Variants in GNG7 observed in about 807,000 individuals in gnomAD.
GNG7 encodes the protein G protein subunit gamma 7.
Under a neutral mutation model 4.0 loss-of-function variants are expected in GNG7, and 1 was observed. That is an observed-to-expected ratio of 0.25 (90% CI 0.09 to 1.18). GNG7 has a LOEUF of 1.18. Among genes scored for constraint, GNG7 ranks in the 50% most tolerant of loss-of-function variants. The probability of loss-of-function intolerance (pLI) is 0.50; values close to 1 mark genes in which losing one functional copy is unlikely to be tolerated. For synonymous variants in GNG7, 34 were observed against 36.9 expected (o/e 0.92, Z 0.29); for missense variants, 86 against 91.9 (o/e 0.94, Z 0.26).
At chr19:2,579,862 C>A (rs928318979) in intron 2 of GNG7, among the ~76,000 whole-genome samples, 1 of 152,164 alleles carries the variant, frequency 6.6e-6, no homozygotes, top group Non-Finnish European at 1.5e-5. Flanking sequence ...GACATGGATC[C>A]TCTCCCAGTT....
intron 1 of GNG7, among the ~76,000 whole-genome samples, chr19:2,672,188 C>A (rs62119827): frequency 0.29 from 43,899 of 150,762 alleles, 6,558 homozygotes; most frequent in East Asian, 0.54. Context: ...CAGGCACCTG[C>A]CACCATACCC....
intron 3 of GNG7, among the ~76,000 whole-genome samples, chr19:2,544,921 G>C (rs1383117637): frequency 1.3e-5 from 2 of 152,120 alleles, no homozygotes; most frequent in African/African-American, 4.8e-5. Flanking sequence ...AATTATTTGG[G>C]GAAAATGGGG....
chr19:2,593,297 T>C (rs1359047652), intron 2 of GNG7, among the ~76,000 whole-genome samples: 1 of 152,120 alleles, frequency 6.6e-6, no homozygotes, highest in African/African-American at 2.4e-5. Flanking sequence ...AGTGGAAAAT[T>C]CCTTTTTTAA....
At chr19:2,555,945 G>A (rs1979529811) in intron 2 of GNG7, among the ~76,000 whole-genome samples, 1 of 152,002 alleles carries the variant, frequency 6.6e-6, no homozygotes, top group Non-Finnish European at 1.5e-5. Flanking sequence ...CACAGTGCAC[G>A]GATCGCGAGG....
intron 1 of GNG7, among the ~76,000 whole-genome samples, chr19:2,698,570 G>GA (rs372892725): frequency 0.022 from 3,071 of 139,088 alleles, 38 homozygotes; most frequent in Non-Finnish European, 0.032. Flanking sequence ...TTTCAAAAAA[G>GA]AAAAAAAAAA....
At chr19:2,647,064 G>C (rs559074337) in intron 1 of GNG7, among the ~76,000 whole-genome samples, 6 of 152,222 alleles carry the variant, frequency 3.9e-5, no homozygotes, top group Non-Finnish European at 8.8e-5. Context: ...CCACATGCCT[G>C]AGGCTGCGAC....
Position 2,635,635 on chromosome 19 carries a change from T to C in GNG7, c.-78+10589A>G, listed in dbSNP as rs1336163095. On this transcript the variant is annotated intron_variant, in intron 2 of 4. Transcript: ENST00000382159. ...TCTCGCTGTATTGCCCAGGCTGTAG[T>C]GCAATGGTGCAATCTCGGCTCACTG... 2.0e-5 allele frequency among the ~76,000 whole-genome samples: 3 copies of C among 150,376 alleles called. No homozygotes were observed. In the East Asian group the frequency reaches 5.9e-4, roughly 30 times the overall value.
chr19:2,655,264 A>C (rs1982937059), intron 1 of GNG7, among the ~76,000 whole-genome samples: 1 of 152,008 alleles, frequency 6.6e-6, no homozygotes, highest in Admixed American at 6.6e-5. Flanking sequence ...GGGTTAAATA[A>C]TCTGACTAGA....
chr19:2,643,571 G>C (rs1456230399), intron 2 of GNG7: 1 of 429,532 alleles, frequency 2.3e-6, no homozygotes, highest in Non-Finnish European at 4.6e-6. Flanking sequence ...AGACCTCTCC[G>C]GACTCTGCAC....
intron 2 of GNG7, among the ~76,000 whole-genome samples, chr19:2,556,369 G>C (rs1179483235): frequency 6.6e-6 from 1 of 152,208 alleles, no homozygotes; most frequent in East Asian, 1.9e-4. Flanking sequence ...TTCCTGAGCT[G>C]CTCGAGGCCG....
At chr19:2,613,053 G>A (rs113921218) in intron 2 of GNG7, among the ~76,000 whole-genome samples, 6,802 of 152,208 alleles carry the variant, frequency 0.045, 185 homozygotes, top group Middle Eastern at 0.095. Context: ...CCCAGGCCCT[G>A]AGTGTCCCAA....
chr19:2,570,195 G>A (rs904081158), intron 2 of GNG7, among the ~76,000 whole-genome samples: 1 of 152,218 alleles, frequency 6.6e-6, no homozygotes, highest in Admixed American at 6.6e-5. Context: ...CGTATGAGAT[G>A]CCCGTTCCCC....
At chr19:2,670,571 A>C (rs1599453592) in intron 1 of GNG7, among the ~76,000 whole-genome samples, 1 of 152,296 alleles carries the variant, frequency 6.6e-6, no homozygotes, top group African/African-American at 2.4e-5. Flanking sequence ...TGGCTGTGTG[A>C]CGGGTGTGGA....
At chr19:2,603,938 C>A (rs1480599631) in intron 2 of GNG7, among the ~76,000 whole-genome samples, 1 of 151,982 alleles carries the variant, frequency 6.6e-6, no homozygotes, top group African/African-American at 2.4e-5. Context: ...GCAAGCTCTG[C>A]CTCCTGGGTT....
chr19:2,551,472 A>G (rs7260635), intron 3 of GNG7, among the ~76,000 whole-genome samples: 66,320 of 150,846 alleles, frequency 0.44, 15,898 homozygotes, highest in East Asian at 0.75. Flanking sequence ...GGAACGCCAA[A>G]AAGCCCTGCC....
At chr19:2,551,029 CCT>C (rs1979301136) in intron 3 of GNG7, among the ~76,000 whole-genome samples, 1 of 152,212 alleles carries the variant, frequency 6.6e-6, no homozygotes, top group Non-Finnish European at 1.5e-5. Flanking sequence ...AGCATAGGGA[CCT>C]AATCCCCACG....
chr19:2,599,031 G>T (rs1981120029), intron 2 of GNG7, among the ~76,000 whole-genome samples: 1 of 152,210 alleles, frequency 6.6e-6, no homozygotes, highest in Non-Finnish European at 1.5e-5. Context: ...GAGGGGGAGA[G>T]GCGGGCACGA....
At chr19:2,632,748 C>G (rs1369302558) in intron 2 of GNG7, 1 of 152,154 alleles carries the variant, frequency 6.6e-6, no homozygotes, top group Non-Finnish European at 1.5e-5. Context: ...CGCACCTGGG[C>G]AACAGAGTGA....
intron 2 of GNG7, chr19:2,610,251 C>T (rs1480130149): frequency 6.6e-6 from 1 of 151,842 alleles, no homozygotes; most frequent in Non-Finnish European, 1.5e-5. Flanking sequence ...GCCTCAGCCT[C>T]CTGGACTCAA....
Sources: gnomAD v4.1 joint callset for allele counts (sites outside exome capture counted in the v4.1 genomes callset) on GRCh38, gnomAD v4.1.1 for gene constraint, MANE v1.5 for transcripts, NCBI Gene and HGNC (gene_info 2026-07-23, HGNC 2026-07-21) for gene names.